The following ADRA1A variants were observed in gnomAD, a reference collection of about 807,000 sequenced individuals.
ADRA1A encodes the protein alpha-1A adrenergic receptor.
In ADRA1A, 31 loss-of-function variants were observed where a neutral mutation model predicts 29.6. That is an observed-to-expected ratio of 1.05 (90% CI 0.79 to 1.41). The LOEUF (loss-of-function observed/expected upper bound fraction) is 1.41. Ranked by LOEUF, ADRA1A falls within the 40% of genes most tolerant of loss-of-function variation. The pLI is 0.00. For missense variants in ADRA1A, 619 were observed against 601.1 expected, an observed-to-expected ratio of 1.03 and a Z score of -0.31; for synonymous variants, 311 against 254.3, an observed-to-expected ratio of 1.22 and a Z score of -2.12.
chr8:26,749,817 G>A (rs1369132719), intron 2 of ADRA1A, among the ~76,000 whole-genome samples: 1 of 152,078 alleles, frequency 6.6e-6, no homozygotes, highest in Non-Finnish European at 1.5e-5. Context: ...ATTCTTAGTG[G>A]GCAAGATTCC....
intron 2 of ADRA1A, among the ~76,000 whole-genome samples, chr8:26,819,864 C>G (rs1214392389): frequency 2.6e-5 from 4 of 152,044 alleles, no homozygotes; most frequent in African/African-American, 9.7e-5. Flanking sequence ...CTAGAAAAGA[C>G]TAACTTTAGC....
At chr8:26,790,466 GA>G (rs1254705495) in intron 2 of ADRA1A, among the ~76,000 whole-genome samples, 3 of 152,154 alleles carry the variant, frequency 2.0e-5, no homozygotes, top group African/African-American at 4.8e-5. Context: ...GAATCGTGGG[GA>G]GGGGGATAGG....
At chr8:26,839,382 T>C (rs1811643002) in intron 2 of ADRA1A, among the ~76,000 whole-genome samples, 1 of 152,050 alleles carries the variant, frequency 6.6e-6, no homozygotes, top group Admixed American at 6.6e-5. Flanking sequence ...ATGGTCTCGA[T>C]CTCCTGACCT....
chr8:26,769,839 CT>C lies in ADRA1A; in HGVS notation c.*309del, dbSNP rs1806007294. The C allele has an allele frequency of 1.8e-6, 2 of 1,104,500 alleles. No individual in the cohort carries two copies. Among genetic ancestry groups the C allele is most frequent in the African/African-American group, 1.6e-5 (1 of 61,388 alleles). The allele number at this position is 1,104,500 out of a possible 1,614,324, so 68.4% of individuals were successfully genotyped here. ...GAAATCATAATCCTATATTTATAGT[CT>C]TTTGGATTGTGCATGAAATTCTGTT... is the stretch of plus-strand genomic sequence containing the variant. On this transcript the variant is annotated 3_prime_UTR_variant, in exon 3 of 3. Transcript: ENST00000380573.
intron 2 of ADRA1A, among the ~76,000 whole-genome samples, chr8:26,774,085 C>G (rs557114244): frequency 3.3e-5 from 5 of 152,234 alleles, no homozygotes; most frequent in Non-Finnish European, 7.3e-5. Flanking sequence ...TTGGCTTATG[C>G]TTCCAGACCA....
intron 2 of ADRA1A, among the ~76,000 whole-genome samples, chr8:26,852,518 G>A (rs1378994837): frequency 6.6e-6 from 1 of 152,020 alleles, no homozygotes; most frequent in African/African-American, 2.4e-5. Context: ...AAGAAAGATA[G>A]CAAAGAAATA....
At chr8:26,792,327 CAT>C (rs1475456596) in intron 2 of ADRA1A, among the ~76,000 whole-genome samples, 1 of 151,664 alleles carries the variant, frequency 6.6e-6, no homozygotes, top group Non-Finnish European at 1.5e-5. Flanking sequence ...CCATTTTTTC[CAT>C]TAGTTAGTCA....
chr8:26,845,695 A>G (rs1318185808), intron 2 of ADRA1A, among the ~76,000 whole-genome samples: 5 of 152,260 alleles, frequency 3.3e-5, no homozygotes, highest in South Asian at 2.1e-4. Context: ...ATGACCCTCA[A>G]TGGAGCAACA....
intron 2 of ADRA1A, among the ~76,000 whole-genome samples, chr8:26,799,108 A>G (rs1643936974): frequency 2.0e-5 from 3 of 152,186 alleles, no homozygotes; most frequent in Admixed American, 2.0e-4. Context: ...GTTGTTCAAA[A>G]GTTCATTAAT....
At chr8:26,798,122 G>A (rs553376145) in intron 2 of ADRA1A, among the ~76,000 whole-genome samples, 1 of 152,194 alleles carries the variant, frequency 6.6e-6, no homozygotes, top group East Asian at 1.9e-4. Context: ...GGGATTACAG[G>A]TGCTTGCCAC....
intron 2 of ADRA1A, among the ~76,000 whole-genome samples, chr8:26,758,462 A>G (rs1396257959): frequency 6.6e-6 from 1 of 152,214 alleles, no homozygotes; most frequent in Non-Finnish European, 1.5e-5. Flanking sequence ...ATAGAGTGCT[A>G]GCATTTATAG....
chr8:26,854,937 C>T (rs1036098939), intron 2 of ADRA1A, among the ~76,000 whole-genome samples: 19 of 152,178 alleles, frequency 1.2e-4, no homozygotes, highest in African/African-American at 4.6e-4. Flanking sequence ...TCACTCCTTC[C>T]ACCAAGTGAG....
chr8:26,840,812 G>T (rs185013582), intron 2 of ADRA1A, among the ~76,000 whole-genome samples: 42 of 152,296 alleles, frequency 2.8e-4, no homozygotes, highest in Admixed American at 2.2e-3. Flanking sequence ...CCCTATGGAG[G>T]CTGGGTTGAC....
chr8:26,750,596 C>A (rs1166657973), intron 2 of ADRA1A, among the ~76,000 whole-genome samples: 2 of 152,202 alleles, frequency 1.3e-5, no homozygotes, highest in Non-Finnish European at 2.9e-5. Flanking sequence ...AATAGTTTTA[C>A]AATGGGAAAG....
intron 2 of ADRA1A, chr8:26,757,249 G>A: frequency 1.5e-6 from 1 of 670,030 alleles, no homozygotes; most frequent in East Asian, 2.7e-5. Flanking sequence ...CATTTGGCAG[G>A]GAGATGGCAG....
chr8:26,780,671 T>A (rs902742910), intron 2 of ADRA1A, among the ~76,000 whole-genome samples: 1 of 152,224 alleles, frequency 6.6e-6, no homozygotes, highest in Non-Finnish European at 1.5e-5. Context: ...TGTGGCCTGT[T>A]AGAAACCAGG....
At chr8:26,826,823 G>C (rs1810607080) in intron 2 of ADRA1A, among the ~76,000 whole-genome samples, 1 of 152,194 alleles carries the variant, frequency 6.6e-6, no homozygotes, top group Non-Finnish European at 1.5e-5. Flanking sequence ...TGACCAGTAG[G>C]AGAGCTATCT....
intron 2 of ADRA1A, among the ~76,000 whole-genome samples, chr8:26,834,221 A>G (rs1469833138): frequency 6.6e-6 from 1 of 152,262 alleles, no homozygotes; most frequent in Non-Finnish European, 1.5e-5. Flanking sequence ...GAAAGCTACA[A>G]AGATGAACTG....
At chr8:26,750,554 G>A (rs1227587257) in intron 2 of ADRA1A, among the ~76,000 whole-genome samples, 2 of 152,148 alleles carry the variant, frequency 1.3e-5, no homozygotes, top group African/African-American at 4.8e-5. Context: ...TTGTCCTCAT[G>A]ACCTAATTAC....
Sources: allele counts gnomAD v4.1 joint callset (sites outside exome capture counted in the v4.1 genomes callset), GRCh38; gene constraint gnomAD v4.1.1; transcripts MANE v1.5; gene names NCBI Gene and HGNC (gene_info 2026-07-23, HGNC 2026-07-21).